DNAH6: variants seen among roughly 807,000 people sequenced by gnomAD.
DNAH6 encodes the protein dynein axonemal heavy chain 6.
In DNAH6, 340 loss-of-function variants were observed where a neutral mutation model predicts 491.4. The observed-to-expected ratio is 0.69, with a 90% CI of 0.63 to 0.76. The LOEUF (loss-of-function observed/expected upper bound fraction) is 0.76. Ranked by LOEUF, DNAH6 falls within the 30% of genes least tolerant of loss-of-function variation. The pLI is 0.00. For synonymous variants in DNAH6, 1,603 were observed against 1,686.1 expected (o/e 0.95, Z 1.21); for missense variants, 4,443 against 4,972.2 (o/e 0.89, Z 3.20).
intron 22 of DNAH6, 65 bp from the exon 23 acceptor site, chr2:84,616,821 A>AT (rs1227220198): frequency 5.1e-6 from 4 of 791,644 alleles, no homozygotes; most frequent in Admixed American, 4.0e-5. Flanking sequence ...TTAAAGTGAT[A>AT]TTTTTTCAGA....
chr2:84,682,462 T>C (rs1693876617), intron 42 of DNAH6, among the ~76,000 whole-genome samples: 1 of 152,192 alleles, frequency 6.6e-6, no homozygotes. Flanking sequence ...TCAAGTGCCA[T>C]CTACTCAGAG....
At chr2:84,618,810 C>T (rs539228457) in intron 23 of DNAH6, among the ~76,000 whole-genome samples, 1 of 152,090 alleles carries the variant, frequency 6.6e-6, no homozygotes, top group South Asian at 2.1e-4. Flanking sequence ...AGAGCAGGGA[C>T]AAACAATTTT....
intron 66 of DNAH6, 37 bp downstream of exon 66, chr2:84,784,847 T>C (rs1268361394): frequency 7.0e-7 from 1 of 1,432,288 alleles, no homozygotes; most frequent in East Asian, 2.5e-5. Context: ...TGTGAAATGG[T>C]TGGTTTCAGA....
At chr2:84,684,581 T>C (rs761753547) in intron 42 of DNAH6, among the ~76,000 whole-genome samples, 2 of 152,198 alleles carry the variant, frequency 1.3e-5, no homozygotes, top group Admixed American at 6.5e-5. Context: ...GGTAGCATCA[T>C]TATCTATAGA....
rs1678547708 is a variant in DNAH6, at chr2:84,544,219, T to A, written c.663-14T>A. 1 of 1,321,568 alleles carries A rather than the reference T, an allele frequency of 7.6e-7. No individual in the cohort carries two copies. The allele number at this position is 1,321,568 out of a possible 1,614,324, so 81.9% of individuals were successfully genotyped here. A position where few individuals can be genotyped will look rare whatever the true frequency, so the allele number is the denominator to read the frequency against. On this transcript the variant is annotated splice_polypyrimidine_tract_variant and intron_variant, in intron 4 of 76. Transcript: ENST00000389394. ...ATACTTTATTTATTAGTCCCAATTT[T>A]TATTTGTTTATAGAGTTGTAAGTTA... is the stretch of plus-strand genomic sequence containing the variant.
intron 58 of DNAH6, among the ~76,000 whole-genome samples, chr2:84,716,934 T>C (rs1001904017): frequency 6.6e-6 from 1 of 152,210 alleles, no homozygotes; most frequent in Non-Finnish European, 1.5e-5. Flanking sequence ...TCTGCTCTGC[T>C]GAGCTCCTGG....
chr2:84,548,145 G>T, intron 7 of DNAH6, 143 bp from the exon 8 acceptor site: 1 of 740,518 alleles, frequency 1.4e-6, no homozygotes, highest in Non-Finnish European at 2.2e-6. Context: ...TGGATAATTG[G>T]GCTGTTTTTC....
chr2:84,517,522 A>C (rs189181451), intron 1 of DNAH6, among the ~76,000 whole-genome samples: 40 of 152,336 alleles, frequency 2.6e-4, no homozygotes, highest in Admixed American at 2.3e-3. Flanking sequence ...AATCTAGACC[A>C]GTGTGGTCTC....
At chr2:84,583,606 T>G (rs1194282786) in intron 14 of DNAH6, among the ~76,000 whole-genome samples, 2 of 152,190 alleles carry the variant, frequency 1.3e-5, no homozygotes, top group African/African-American at 4.8e-5. Context: ...AATTCCTACA[T>G]GTCAAAGATG....
At chr2:84,625,935 T>C (rs72922724) in intron 29 of DNAH6, among the ~76,000 whole-genome samples, 5 of 152,176 alleles carry the variant, frequency 3.3e-5, no homozygotes, top group Admixed American at 6.5e-5. Flanking sequence ...TTTATACTCT[T>C]CTTTGAACTA....
intron 37 of DNAH6, among the ~76,000 whole-genome samples, chr2:84,662,327 A>G (rs541051523): frequency 6.6e-6 from 1 of 152,316 alleles, no homozygotes; most frequent in South Asian, 2.1e-4. Flanking sequence ...AGGAAGCACA[A>G]GGGGTTGGGT....
chr2:84,593,439 T>C (rs1417175973), intron 16 of DNAH6, among the ~76,000 whole-genome samples: 2 of 152,184 alleles, frequency 1.3e-5, no homozygotes. Flanking sequence ...GAAAACACCT[T>C]CTTCAGATTT....
chr2:84,747,478 A>G (rs181476706), intron 63 of DNAH6, among the ~76,000 whole-genome samples: 1 of 152,344 alleles, frequency 6.6e-6, no homozygotes, highest in African/African-American at 2.4e-5. Flanking sequence ...CATCCTGAGC[A>G]TACCGGTGCA....
intron 63 of DNAH6, among the ~76,000 whole-genome samples, chr2:84,758,380 T>C (rs1249746607): frequency 6.6e-6 from 1 of 152,156 alleles, no homozygotes; most frequent in Non-Finnish European, 1.5e-5. Flanking sequence ...AAAGAAGTTG[T>C]TCCAAAAATA....
rs1165547762 is a variant in DNAH6 at position 84,669,358 on chromosome 2, C to T, written c.6154C>T (p.Arg2052Ter). ...FDTKRLDPWE[R>*]IIPTFKYNRD... is the part of the protein sequence containing the mutation. ...CACCAAACGGCTGGATCCCTGGGAACGAATCATACCTACTTTCAAATACAA... is the reference window on the plus strand; with the variant it reads ...CACCAAACGGCTGGATCCCTGGGAATGAATCATACCTACTTTCAAATACAA... The change falls in exon 38 of 77, where the codon CGA becomes TGA. Residue 2052 changes from arginine (R) to a stop codon, truncating the protein, a stop_gained. Transcript: ENST00000389394. LOFTEE classifies it high-confidence loss of function. 1.8e-5 allele frequency: 28 copies of T among 1,547,426 alleles called. No homozygotes were observed. The highest frequency in any genetic ancestry group is 2.4e-5 in the East Asian group (1 of 40,934).
chr2:84,789,728 G>A (rs1044972068), intron 68 of DNAH6, among the ~76,000 whole-genome samples: 30 of 152,152 alleles, frequency 2.0e-4, no homozygotes, highest in African/African-American at 4.3e-4. Context: ...AGAACACTTC[G>A]CCAGAGAGTC....
chr2:84,593,477 C>G (rs139068404), intron 16 of DNAH6, among the ~76,000 whole-genome samples: 239 of 152,296 alleles, frequency 1.6e-3, no homozygotes, highest in South Asian at 9.3e-3. Context: ...CCATGGGGTT[C>G]ATATAAAGTC....
chr2:84,697,637 T>C lies in DNAH6; in HGVS notation c.7587T>C (p.Asn2529=), dbSNP rs766221574. ...TCCTGAACTCAGGTGAAGTGCCTAA[T>C]TTATTTGAAAAGGATGAACTGGAGC... ...NNILNSGEVP[N]LFEKDELEQV... The change falls in exon 47 of 77, where the codon AAT becomes AAC. Residue 2529 remains asparagine, a synonymous_variant. Transcript: ENST00000389394. The C allele has an allele frequency of 2.6e-6, 4 of 1,552,064 alleles. No homozygotes were observed. The highest frequency in any genetic ancestry group is 3.5e-6 in the Non-Finnish European group (4 of 1,147,052).
rs886085814 is a variant in DNAH6 at position 84,707,598 on chromosome 2, G to A, written c.8930G>A (p.Arg2977Gln). Residue 2977 changes from arginine to glutamine, a missense_variant, in exon 54 of 77, where the codon CGA (arginine) becomes CAA (glutamine). By Grantham distance (43) the Arg-to-Gln change is conservative. Transcript: ENST00000389394. ...LTAALEDEQV[R>Q]WEESIQKFEE... ...GCAGCATTAGAAGATGAGCAGGTTCGATGGGAAGAAAGCATACAGAAGTTT... is the reference window on the plus strand; with the variant it reads ...GCAGCATTAGAAGATGAGCAGGTTCAATGGGAAGAAAGCATACAGAAGTTT... The A allele has an allele frequency of 1.1e-5, 17 of 1,552,046 alleles. No homozygotes were observed. Among genetic ancestry groups the A allele is most frequent in the South Asian group, 8.3e-5 (7 of 84,060 alleles).
Sources: gnomAD v4.1 joint callset for allele counts (sites outside exome capture counted in the v4.1 genomes callset) on GRCh38, gnomAD v4.1.1 for gene constraint, MANE v1.5 for transcripts, NCBI Gene and HGNC (gene_info 2026-07-23, HGNC 2026-07-21) for gene names.